The following ESRRB variants were observed in gnomAD, a reference collection of about 807,000 sequenced individuals.
The protein encoded by ESRRB is steroid hormone receptor ERR2.
A neutral mutation model predicts 46.0 loss-of-function variants in ESRRB; 16 were observed. That is an observed-to-expected ratio of 0.35 (90% confidence interval 0.24 to 0.53). The LOEUF (loss-of-function observed/expected upper bound fraction) is 0.53. ESRRB is among the 20% of genes least tolerant of loss of function. The probability of loss-of-function intolerance (pLI) is 0.93; values close to 1 mark genes in which losing one functional copy is unlikely to be tolerated. For synonymous variants in ESRRB, 246 were observed against 259.6 expected (o/e 0.95, Z 0.50); for missense variants, 488 against 607.4 (o/e 0.80, Z 2.07).
intron 1 of ESRRB, among the ~76,000 whole-genome samples, chr14:76,319,045 TG>T (rs1312042456): frequency 6.6e-6 from 1 of 152,192 alleles, no homozygotes; most frequent in East Asian, 1.9e-4. Context: ...GGCTTTGGGG[TG>T]ACCTGGCCAA....
At chr14:76,436,020 C>T (rs1441964083) in intron 1 of ESRRB, among the ~76,000 whole-genome samples, 1 of 152,228 alleles carries the variant, frequency 6.6e-6, no homozygotes, top group Non-Finnish European at 1.5e-5. Context: ...CTCACCAACC[C>T]TGATAGAGGC....
In ESRRB at chr14:76,354,235, C is replaced by CCCA. The variant is rs566408439; in HGVS notation, c.2+43319_2+43320insCCA. On this transcript the variant is annotated intron_variant, in intron 1 of 6. Coordinates refer to the ESRRB transcript ENST00000512784. ...AGGGTCCTCTACCCGCCCCCCCCCC[C>CCCA]ACCCACACTTCCACCCTCACCTCTC... Among the ~76,000 whole-genome samples the CCCA allele has an allele frequency of 2.4e-3, 203 of 85,978 alleles. 8 individuals carry two copies. The East Asian group carries it at 0.031, about 13-fold the overall frequency. The allele number at this position is 85,978 out of a possible 152,430, so 56.4% of individuals were successfully genotyped here. A position where few individuals can be genotyped will look rare whatever the true frequency, so the allele number is the denominator to read the frequency against.
intron 1 of ESRRB, chr14:76,407,616 G>A (rs947740326): frequency 2.0e-6 from 2 of 985,094 alleles, no homozygotes; most frequent in Non-Finnish European, 2.4e-6. Context: ...GTCCAGTCGG[G>A]CCAGCAGGGC....
At chr14:76,463,973 G>A (rs1212334202) in intron 3 of ESRRB, among the ~76,000 whole-genome samples, 2 of 152,266 alleles carry the variant, frequency 1.3e-5, no homozygotes, top group East Asian at 3.9e-4. Context: ...AAAGTGCTGG[G>A]ATTACAGGCA....
Position 76,360,918 on chromosome 14 carries a change from G to A in ESRRB, c.2+50002G>A, listed in dbSNP as rs1884454961. Among the ~76,000 whole-genome samples, 2 of 152,210 alleles carry A rather than the reference G, an allele frequency of 1.3e-5. 1 individual carries two copies. Among genetic ancestry groups the A allele is most frequent in the South Asian group, 4.1e-4 (2 of 4,836 alleles). On this transcript the variant is annotated intron_variant, in intron 1 of 6. Coordinates refer to the ESRRB transcript ENST00000512784. Reference sequence around the variant, plus strand: ...TTTCCCCCCGGCCAGACAGAGAGGAGGGATTATTCTGCCTCTGACTGTGAG... The same window carrying A: ...TTTCCCCCCGGCCAGACAGAGAGGAAGGATTATTCTGCCTCTGACTGTGAG...
chr14:76,455,958 G>A (rs1248781139), intron 2 of ESRRB, among the ~76,000 whole-genome samples: 4 of 151,384 alleles, frequency 2.6e-5, no homozygotes, highest in Admixed American at 1.3e-4. Context: ...TAGGAGAATC[G>A]CTTGAACCCG....
intron 1 of ESRRB, among the ~76,000 whole-genome samples, chr14:76,431,422 C>T (rs1566894413): frequency 6.6e-6 from 1 of 152,150 alleles, no homozygotes; most frequent in Non-Finnish European, 1.5e-5. Flanking sequence ...TTTGAGATTC[C>T]CCTGCTCTCT....
rs370077184 is a variant in ESRRB, at chr14:76,499,041, G to A, written c.*583G>A. ...TTTCAGCCAGGGGGTACCCACAGGA[G>A]AGCAGCGGCTAGAGCTCAAGTGCTT... On this transcript the variant is annotated 3_prime_UTR_variant, in exon 7 of 7. Coordinates refer to ENST00000644823, the MANE Select transcript of ESRRB (RefSeq NM_001379180.1). 1.4e-4 allele frequency: 48 copies of A among 350,728 alleles called. 1 individual carries two copies. The highest frequency in any genetic ancestry group is 1.0e-3 in the African/African-American group (47 of 46,690). 21.7% of individuals were successfully genotyped at this position (350,728 alleles called of 1,614,324 possible).
At chr14:76,391,251 C>T (rs1010068047) in intron 1 of ESRRB, among the ~76,000 whole-genome samples, 3 of 152,168 alleles carry the variant, frequency 2.0e-5, no homozygotes, top group African/African-American at 4.8e-5. Flanking sequence ...TAGACTCCTC[C>T]GTGGCAGGTT....
At chr14:76,422,574 C>T (rs542789097) in intron 1 of ESRRB, among the ~76,000 whole-genome samples, 2 of 152,246 alleles carry the variant, frequency 1.3e-5, no homozygotes, top group East Asian at 1.9e-4. Flanking sequence ...GTAGGGACCA[C>T]CCTTGCTGTG....
intron 3 of ESRRB, among the ~76,000 whole-genome samples, chr14:76,464,751 C>T (rs1889035999): frequency 6.6e-6 from 1 of 152,274 alleles, no homozygotes; most frequent in Middle Eastern, 3.4e-3. Context: ...TAGGATGACC[C>T]AAACTAGTGG....
intron 1 of ESRRB, among the ~76,000 whole-genome samples, chr14:76,415,638 C>T (rs1436394251): frequency 4.6e-5 from 7 of 152,000 alleles, no homozygotes; most frequent in South Asian, 4.2e-4. Flanking sequence ...CCAGACTGGG[C>T]GAAAGAGTGA....
chr14:76,427,022 C>A (rs966491761), intron 1 of ESRRB, among the ~76,000 whole-genome samples: 2 of 152,210 alleles, frequency 1.3e-5, no homozygotes, highest in Non-Finnish European at 2.9e-5. Context: ...AACAGAGATG[C>A]TGCAGGGGCA....
intron 1 of ESRRB, among the ~76,000 whole-genome samples, chr14:76,339,346 G>A (rs1253754860): frequency 6.6e-6 from 1 of 152,170 alleles, no homozygotes; most frequent in Non-Finnish European, 1.5e-5. Context: ...TACTTTGTAG[G>A]ATTTGTTGTG....
At chr14:76,312,761 C>T (rs1324174255) in intron 1 of ESRRB, among the ~76,000 whole-genome samples, 1 of 151,956 alleles carries the variant, frequency 6.6e-6, no homozygotes, top group East Asian at 1.9e-4. Context: ...AATTAAAGCT[C>T]AAGTGAATGA....
At chr14:76,322,292 A>C (rs1883876549) in intron 1 of ESRRB, among the ~76,000 whole-genome samples, 3 of 152,178 alleles carry the variant, frequency 2.0e-5, no homozygotes. Context: ...AACTGCTAAC[A>C]GCCTTGCTTT....
intron 2 of ESRRB, among the ~76,000 whole-genome samples, chr14:76,447,984 G>A (rs560494440): frequency 5.3e-5 from 8 of 152,284 alleles, no homozygotes; most frequent in South Asian, 2.1e-4. Context: ...ATTGCCCCAC[G>A]TCTCATGCCA....
At chr14:76,485,486 C>T (rs1889972455) in intron 5 of ESRRB, among the ~76,000 whole-genome samples, 1 of 152,168 alleles carries the variant, frequency 6.6e-6, no homozygotes, top group South Asian at 2.1e-4. Context: ...AAGGGATCCA[C>T]CCACCTCAGC....
At chr14:76,350,656 G>A (rs1884303079) in intron 1 of ESRRB, among the ~76,000 whole-genome samples, 1 of 152,198 alleles carries the variant, frequency 6.6e-6, no homozygotes, top group South Asian at 2.1e-4. Flanking sequence ...AGAGCCTGAA[G>A]CCCTCTGATG....
Sources: gnomAD v4.1 joint callset for allele counts (sites outside exome capture counted in the v4.1 genomes callset) on GRCh38, gnomAD v4.1.1 for gene constraint, MANE v1.5 for transcripts, NCBI Gene and HGNC (gene_info 2026-07-23, HGNC 2026-07-21) for gene names.